Variants in KCNQ1 observed in about 807,000 individuals in gnomAD.
KCNQ1 encodes the protein potassium voltage-gated channel subfamily KQT member 1.
A neutral mutation model predicts 72.4 loss-of-function variants in KCNQ1; 49 were observed. The observed-to-expected ratio is 0.68, with a 90% CI of 0.54 to 0.86. KCNQ1 has a LOEUF of 0.86. Ranked by LOEUF, KCNQ1 falls within the 40% of genes least tolerant of loss-of-function variation. The probability of loss-of-function intolerance (pLI) is 0.00; values close to 1 mark genes in which losing one functional copy is unlikely to be tolerated. For missense variants in KCNQ1, 790 were observed against 945.1 expected (o/e 0.84, Z 2.15); for synonymous variants, 450 against 412.6 (o/e 1.09, Z -1.10).
Position 2,712,705 on chromosome 11 carries a change from G to A in KCNQ1, c.1514+50624G>A, listed in dbSNP as rs1564868067. Among the ~76,000 whole-genome samples, 1 of 152,226 alleles carries A rather than the reference G, an allele frequency of 6.6e-6. No homozygotes were observed. Among genetic ancestry groups the A allele is most frequent in the Non-Finnish European group, 1.5e-5 (1 of 68,032 alleles). ...ACAGGAGAGCCCTGTGGACACTCCA[G>A]CCTCAGCCTTCCTTGCCATCCGCAA... is the stretch of plus-strand genomic sequence containing the variant. On this transcript the variant is annotated intron_variant, in intron 11 of 15. Transcript: ENST00000155840. The surrounding 1 kb of genome is among the most constrained non-coding windows in gnomAD (Gnocchi z 6.4).
chr11:2,529,465 GGT>G (rs1274684163), intron 2 of KCNQ1, among the ~76,000 whole-genome samples: 1 of 130,426 alleles, frequency 7.7e-6, no homozygotes, highest in Non-Finnish European at 1.7e-5. Context: ...CCAGGAGCAT[GGT>G]GTGTGTGTTT....
Position 2,648,328 on chromosome 11 carries a change from C to G in KCNQ1, c.1394-13633C>G, listed in dbSNP as rs1283032377. On this transcript the variant is annotated intron_variant, in intron 10 of 15. Coordinates refer to ENST00000155840, the MANE Select transcript of KCNQ1 (RefSeq NM_000218.3). ...CTTCTAATTTTAGGTTTGATTTGTT[C>G]TTGCTTTTCTAGTTCCTTGAGATGC... 6 of 398,270 alleles carry G rather than the reference C, an allele frequency of 1.5e-5. No individual in the cohort carries two copies. The East Asian group carries it at 1.8e-4, about 12-fold the overall frequency. The allele number at this position is 398,270 out of a possible 1,614,324, so 24.7% of individuals were successfully genotyped here.
chr11:2,557,578 T>G (rs1391192413), intron 2 of KCNQ1, among the ~76,000 whole-genome samples: 1 of 152,330 alleles, frequency 6.6e-6, no homozygotes, highest in Non-Finnish European at 1.5e-5. Flanking sequence ...CAGGGCTCAG[T>G]GGGACGGCTC....
In KCNQ1 at chr11:2,553,165, T is replaced by TTTG. The variant is rs201229057; in HGVS notation, c.478-17461_478-17460insGTT. Among the ~76,000 whole-genome samples the TTTG allele has an allele frequency of 8.6e-3, 1,022 of 118,918 alleles. 13 individuals carry two copies. Among genetic ancestry groups the TTTG allele is most frequent in the African/African-American group, 0.045 (969 of 21,708 alleles). 78.0% of individuals were successfully genotyped at this position (118,918 alleles called of 152,430 possible). ...ATCTGTTTTTGGGGTTTTTTTTGTTTTTTTTTTTTTTGTTTTTTTGTAGAT... is the reference window on the plus strand; with the variant it reads ...ATCTGTTTTTGGGGTTTTTTTTGTTTTTGTTTTTTTTTTTGTTTTTTTGTAGAT... On this transcript the variant is annotated intron_variant, in intron 2 of 15. Coordinates refer to ENST00000155840, the MANE Select transcript of KCNQ1 (RefSeq NM_000218.3).
chr11:2,723,946 C>T lies in KCNQ1; in HGVS notation c.1515-44898C>T, dbSNP rs898924629. ...GGGGCATCTCAGCCTTTGTATCTGC[C>T]GTGGGCGTGGAGGCATTTACTCTTT... On this transcript the variant is annotated intron_variant, in intron 11 of 15. Transcript: ENST00000155840. This position sits in a 1 kb window ranked among gnomAD's most constrained non-coding sequence, Gnocchi z 4.2. Among the ~76,000 whole-genome samples, 12 of 152,236 alleles carry T rather than the reference C, an allele frequency of 7.9e-5. No individual in the cohort carries two copies. The highest frequency in any genetic ancestry group is 2.9e-4 in the African/African-American group (12 of 41,522).
Position 2,815,678 on chromosome 11 carries a change from C to T in KCNQ1, c.1795-32089C>T, listed in dbSNP as rs909346940. Among the ~76,000 whole-genome samples the T allele has an allele frequency of 6.6e-6, 1 of 152,070 alleles. No individual in the cohort carries two copies. The highest frequency in any genetic ancestry group is 1.5e-5 in the Non-Finnish European group (1 of 68,000). On this transcript the variant is annotated intron_variant, in intron 15 of 15. Transcript: ENST00000155840. The surrounding 1 kb of genome is among the most constrained non-coding windows in gnomAD (Gnocchi z 5.4). ...GCCCCAGGCTGACCCCAGTCCCTCC[C>T]TATGCAGGCAGAGGGGCAATTGGAA... is the stretch of plus-strand genomic sequence containing the variant.
intron 2 of KCNQ1, among the ~76,000 whole-genome samples, chr11:2,528,479 T>C (rs1847548867): frequency 1.3e-5 from 2 of 152,254 alleles, no homozygotes; most frequent in South Asian, 4.1e-4. Context: ...GCCTGAGCGG[T>C]GTCTGTGCCA....
In KCNQ1 at chr11:2,547,532, C is replaced by A. The variant is rs1164369269; in HGVS notation, c.477+19514C>A. On this transcript the variant is annotated intron_variant, in intron 2 of 15. Coordinates refer to ENST00000155840, the MANE Select transcript of KCNQ1 (RefSeq NM_000218.3). This position sits in a 1 kb window ranked among gnomAD's most constrained non-coding sequence, Gnocchi z 4.2. The stretch of plus-strand genomic sequence containing the variant: ...CACAGGCATGAGCCACCGTGCCCAG[C>A]CTGTATTTTTGTCCTAATAGTTACC... 6.6e-6 allele frequency among the ~76,000 whole-genome samples: 1 copy of A among 152,178 alleles called. No homozygotes were observed.
At position 2,712,785 on chromosome 11, in the gene KCNQ1, G is replaced by A. The variant is rs183089713; in HGVS notation, c.1514+50704G>A. ...CCTGGCTCCTGCACTTTTTCTGCAC[G>A]GGACTCCCTCACAGCCTCTGGGTTG... On this transcript the variant is annotated intron_variant, in intron 11 of 15. Coordinates refer to ENST00000155840, the MANE Select transcript of KCNQ1 (RefSeq NM_000218.3). This position sits in a 1 kb window ranked among gnomAD's most constrained non-coding sequence, Gnocchi z 6.4. 0.012 allele frequency among the ~76,000 whole-genome samples: 1,804 copies of A among 152,262 alleles called. 30 individuals are homozygous for A. Among genetic ancestry groups the A allele is most frequent in the Non-Finnish European group, 0.015 (1,031 of 68,024 alleles).
At chr11:2,777,491 G>C in intron 14 of KCNQ1, 1 of 537,084 alleles carries the variant, frequency 1.9e-6, no homozygotes. Flanking sequence ...AATTCCTTGG[G>C]TCCCCTGGAC....
At chr11:2,760,043 C>A (rs901687563) in intron 11 of KCNQ1, among the ~76,000 whole-genome samples, 1 of 152,372 alleles carries the variant, frequency 6.6e-6, no homozygotes, top group Admixed American at 6.5e-5. Flanking sequence ...CTTCCTGCCT[C>A]TGCTTTCCCA....
At chr11:2,453,241 T>C (rs2005693) in intron 1 of KCNQ1, among the ~76,000 whole-genome samples, 117,246 of 151,966 alleles carry the variant, frequency 0.77, 45,972 homozygotes, top group Non-Finnish European at 0.86. Context: ...GGCGTGGTGG[T>C]GCATGCCTGT....
chr11:2,568,862 G>C (rs1848284676), intron 2 of KCNQ1, among the ~76,000 whole-genome samples: 1 of 152,060 alleles, frequency 6.6e-6, no homozygotes, highest in African/African-American at 2.4e-5. Flanking sequence ...CACACCTTTT[G>C]TTTTTGTTTT....
intron 5 of KCNQ1, 64 bp from the exon 6 acceptor site, chr11:2,572,782 G>C (rs952466176): frequency 6.2e-7 from 1 of 1,607,908 alleles, no homozygotes; most frequent in Admixed American, 1.7e-5. Flanking sequence ...TGCCTTAGGC[G>C]TCTGCACAGG....
rs231341 is a variant in KCNQ1 at position 2,657,820 on chromosome 11, A to G, written c.1394-4141A>G. ...CAGGTGTCATTGTCCCTCAGTTTGG[A>G]TTTGTCTGGTGTTTTCTCAGGACTA... is the stretch of plus-strand genomic sequence containing the variant. On this transcript the variant is annotated intron_variant, in intron 10 of 15. Coordinates refer to ENST00000155840, the MANE Select transcript of KCNQ1 (RefSeq NM_000218.3). This position sits in a 1 kb window ranked among gnomAD's most constrained non-coding sequence, Gnocchi z 4.8. The G allele has an allele frequency of 0.11, 43,525 of 398,292 alleles. 2,643 individuals carry two copies. Among genetic ancestry groups the G allele is most frequent in the Middle Eastern group, 0.16 (253 of 1,588 alleles). 24.7% of individuals were successfully genotyped at this position (398,292 alleles called of 1,614,324 possible).
rs150132041 is a variant in KCNQ1 at position 2,573,038 on chromosome 11, T to G, written c.921+52T>G. On this transcript the variant is annotated intron_variant, in intron 6 of 15. Coordinates refer to ENST00000155840, the MANE Select transcript of KCNQ1 (RefSeq NM_000218.3). ...GACAGGGGCAGCTCAGGCTGAGGAG[T>G]GGGCAGGACATCTGGGCACTGGTGT... 9,108 of 1,591,848 alleles carry G rather than the reference T, an allele frequency of 5.7e-3. 38 individuals are homozygous for G. The highest frequency in any genetic ancestry group is 7.1e-3 in the Non-Finnish European group (8,270 of 1,168,078).
Position 2,752,969 on chromosome 11 carries a change from G to A in KCNQ1, c.1515-15875G>A, listed in dbSNP as rs926937896. ...CTGGTCTGGGCTTGAGGACCAGCAC[G>A]GGATCGTTCTCCTCTGTGGGTCGCT... On this transcript the variant is annotated intron_variant, in intron 11 of 15. Transcript: ENST00000155840. This position sits in a 1 kb window ranked among gnomAD's most constrained non-coding sequence, Gnocchi z 5.2. Among the ~76,000 whole-genome samples the A allele has an allele frequency of 3.9e-5, 6 of 152,240 alleles. No homozygotes were observed. The highest frequency in any genetic ancestry group is 3.4e-3 in the Middle Eastern group (1 of 294).
At chr11:2,519,779 CCCCA>C (rs1318164689) in intron 1 of KCNQ1, among the ~76,000 whole-genome samples, 1 of 98,142 alleles carries the variant, frequency 1.0e-5, no homozygotes, top group African/African-American at 3.7e-5. Flanking sequence ...GTTGGCCCCC[CCCCA>C]CAACATTGGT....
rs1016984253 is a variant in KCNQ1 at position 2,817,410 on chromosome 11, G to A, written c.1795-30357G>A. ...AGTGCCCCCTGACCCCCAGCCTTGT[G>A]CAGACACTGATACCCTTAGGATGAA... On this transcript the variant is annotated intron_variant, in intron 15 of 15. Transcript: ENST00000155840. This position sits in a 1 kb window ranked among gnomAD's most constrained non-coding sequence, Gnocchi z 6.1. Among the ~76,000 whole-genome samples the A allele has an allele frequency of 3.3e-5, 5 of 152,100 alleles. No homozygotes were observed. The highest frequency in any genetic ancestry group is 7.2e-5 in the African/African-American group (3 of 41,408).
Sources: allele counts gnomAD v4.1 joint callset (sites outside exome capture counted in the v4.1 genomes callset), GRCh38; gene constraint gnomAD v4.1.1; non-coding constraint Gnocchi (gnomAD v3.1); transcripts MANE v1.5; gene names NCBI Gene and HGNC (gene_info 2026-07-23, HGNC 2026-07-21).